The following MDN1 variants were observed in gnomAD, a reference collection of about 807,000 sequenced individuals.
MDN1 encodes midasin AAA ATPase 1, also known as midasin.
In MDN1, 266 loss-of-function variants were observed where a neutral mutation model predicts 669.2. The ratio of observed to expected loss-of-function variants is 0.40; its 90% CI spans 0.36 to 0.44. The LOEUF (loss-of-function observed/expected upper bound fraction) is 0.44, where lower values mean the gene tolerates loss of function less well. Ranked by LOEUF, MDN1 falls within the 20% of genes least tolerant of loss-of-function variation. MDN1 has a pLI of 1.00. For synonymous variants in MDN1, 2,385 were observed against 2,457.1 expected, an observed-to-expected ratio of 0.97 and a Z score of 0.87; for missense variants, 5,940 against 6,754.0, an observed-to-expected ratio of 0.88 and a Z score of 4.22.
intron 52 of MDN1, among the ~76,000 whole-genome samples, chr6:89,706,542 T>C (rs968341689): frequency 4.6e-5 from 7 of 152,198 alleles, no homozygotes; most frequent in Non-Finnish European, 8.8e-5. Flanking sequence ...ATTTTGACTA[T>C]GGCTCATCAT....
At position 89,693,140 on chromosome 6, in the gene MDN1, C is replaced by A. The variant is rs150545943; in HGVS notation, c.9890G>T (p.Arg3297Leu). ...SYSHPHVRLL[R>L]QRMDRLDNLT... Reference sequence around the variant, plus strand: ...ATTATCCAGCCGATCCATCCTTTGGCGAAGCAGCCTAACGGGAAATTAACA... The same window carrying A: ...ATTATCCAGCCGATCCATCCTTTGGAGAAGCAGCCTAACGGGAAATTAACA... The change falls in exon 63 of 102, where the codon CGC (arginine) becomes CTC (leucine). Residue 3297 changes from arginine (R) to leucine (L), a missense_variant. Transcript: ENST00000369393. 1 of 1,582,470 alleles carries A rather than the reference C, an allele frequency of 6.3e-7. No individual in the cohort carries two copies. Among genetic ancestry groups the A allele is most frequent in the East Asian group, 2.2e-5 (1 of 44,556 alleles).
Position 89,732,653 on chromosome 6 carries a change from C to T in MDN1, c.4846G>A (p.Gly1616Arg), listed in dbSNP as rs942630731. Residue 1616 changes from glycine to arginine, a missense_variant, in exon 34 of 102, where the codon GGG (glycine) becomes AGG (arginine). This residue lies in a region of MDN1 where 2,292 missense variants were observed against 2,638.3 expected (regional missense o/e 0.87). Coordinates refer to ENST00000369393, the MANE Select transcript of MDN1 (RefSeq NM_014611.3). ...LSWVNFMNKM[G>R]EEAALKRPEI... Reference sequence around the variant, plus strand: ...GGCCTTTTCAAAGCAGCTTCCTCCCCCATTTTGTTCATGAAGTTAACCCAG... The same window carrying T: ...GGCCTTTTCAAAGCAGCTTCCTCCCTCATTTTGTTCATGAAGTTAACCCAG... 6.2e-7 allele frequency: 1 copy of T among 1,613,894 alleles called. No homozygotes were observed. The highest frequency in any genetic ancestry group is 1.3e-5 in the African/African-American group (1 of 74,876).
intron 92 of MDN1, 35 bp from the exon 93 acceptor site, chr6:89,654,369 C>G (rs1484813356): frequency 6.2e-7 from 1 of 1,611,926 alleles, no homozygotes; most frequent in South Asian, 1.1e-5. Flanking sequence ...CATAAAAATC[C>G]TAGGTCTTTG....
At chr6:89,816,673 C>CTTTT (rs538796145) in intron 1 of MDN1, among the ~76,000 whole-genome samples, 5 of 138,070 alleles carry the variant, frequency 3.6e-5, no homozygotes, top group Admixed American at 7.3e-5. Flanking sequence ...ACACCCCTAT[C>CTTTT]TTTTTTTTTT....
chr6:89,667,640 A>G (rs1365993870), intron 84 of MDN1, among the ~76,000 whole-genome samples: 1 of 152,238 alleles, frequency 6.6e-6, no homozygotes, highest in Non-Finnish European at 1.5e-5. Context: ...CAACAGTAAA[A>G]CCTATTAACA....
Position 89,750,362 on chromosome 6 carries a change from A to C in MDN1, c.3398T>G (p.Phe1133Cys). ...TGGAATCTTAACCCTACCTTCCTTAAAGACAAGCTTCCCTGAGGAGTCAGA... is the reference window on the plus strand; with the variant it reads ...TGGAATCTTAACCCTACCTTCCTTACAGACAAGCTTCCCTGAGGAGTCAGA... ...YTSDSSGKLV[F>C]KEGVLIDAMR... is the part of the protein sequence containing the mutation. Residue 1133 changes from phenylalanine to cysteine, a missense_variant, in exon 24 of 102, where the codon TTT (phenylalanine) becomes TGT (cysteine). Physicochemically the swap from Phe to Cys is radical, Grantham distance 205. Around this residue, in one of 5 missense-constraint regions of MDN1, gnomAD observed 2,292 missense variants for 2,638.3 expected, o/e 0.87. Transcript: ENST00000369393. 6.2e-7 allele frequency: 1 copy of C among 1,607,674 alleles called. No homozygotes were observed. Among genetic ancestry groups the C allele is most frequent in the Non-Finnish European group, 8.5e-7 (1 of 1,174,776 alleles).
intron 43 of MDN1, among the ~76,000 whole-genome samples, chr6:89,717,736 A>C (rs1307260642): frequency 6.6e-6 from 1 of 152,238 alleles, no homozygotes; most frequent in Non-Finnish European, 1.5e-5. Flanking sequence ...GCCACAGATA[A>C]AATGTTTGCT....
chr6:89,697,250 AAG>A (rs1475254953), intron 59 of MDN1, among the ~76,000 whole-genome samples: 1 of 152,246 alleles, frequency 6.6e-6, no homozygotes, highest in Non-Finnish European at 1.5e-5. Flanking sequence ...GTTTGTATAA[AAG>A]AAAAAATTTG....
Position 89,761,733 on chromosome 6 carries a change from T to G in MDN1, c.2372A>C (p.Glu791Ala). ...TCTAAGACCAAATGCTTCCCATTTC[T>G]CTTTTATGAGTAACCCTAAAAAAGA... ...KDSETGLLIK[E>A]KWEAFGLRLN... is the part of the protein sequence containing the mutation. The change falls in exon 17 of 102, where the codon GAG becomes GCG. Residue 791 changes from glutamate (E) to alanine (A), a missense_variant. Around this residue, in one of 5 missense-constraint regions of MDN1, gnomAD observed 1,203 missense variants for 1,268.9 expected, o/e 0.95. Coordinates refer to ENST00000369393, the MANE Select transcript of MDN1 (RefSeq NM_014611.3). 6.2e-7 allele frequency: 1 copy of G among 1,607,894 alleles called. No individual in the cohort carries two copies. Among genetic ancestry groups the G allele is most frequent in the Non-Finnish European group, 8.5e-7 (1 of 1,176,136 alleles).
chr6:89,670,166 A>T (rs71548744), intron 83 of MDN1, among the ~76,000 whole-genome samples: 2,040 of 17,326 alleles, frequency 0.12, 98 homozygotes, highest in Non-Finnish European at 0.13. Flanking sequence ...ATATATATAT[A>T]TATATTTTTT....
At chr6:89,786,148 AC>A (rs1818945791) in intron 8 of MDN1, among the ~76,000 whole-genome samples, 2 of 152,098 alleles carry the variant, frequency 1.3e-5, no homozygotes, top group South Asian at 4.1e-4. Context: ...AGTCCCAGAT[AC>A]CTGGGAGACT....
chr6:89,719,118 T>A lies in MDN1; in HGVS notation c.6057+18A>T, dbSNP rs752937316. The A allele has an allele frequency of 1.2e-6, 2 of 1,608,470 alleles. No individual in the cohort carries two copies. Among genetic ancestry groups the A allele is most frequent in the Non-Finnish European group, 1.7e-6 (2 of 1,174,900 alleles). On this transcript the variant is annotated intron_variant, in intron 41 of 101. Coordinates refer to ENST00000369393, the MANE Select transcript of MDN1 (RefSeq NM_014611.3). ...TTAAAAAATGTCAAAGGATAGAGGA[T>A]TATCCTAGTCTCCTTACCTGAACAT...
intron 8 of MDN1, among the ~76,000 whole-genome samples, chr6:89,786,683 C>T (rs375026155): frequency 1.3e-5 from 2 of 151,938 alleles, no homozygotes; most frequent in African/African-American, 4.8e-5. Context: ...AATCCCAGCA[C>T]ATCAGGAGGC....
rs768202168 is a variant in MDN1 at position 89,691,540 on chromosome 6, GT to G, written c.10588-707del. On this transcript the variant is annotated intron_variant, in intron 63 of 101. Coordinates refer to ENST00000369393, the MANE Select transcript of MDN1 (RefSeq NM_014611.3). ...TTACTGTGGCATTGGGTTGGTTTTT[GT>G]TTTTTTTTGTTTTTTTGGCAAAACA... Among the ~76,000 whole-genome samples the G allele has an allele frequency of 1.4e-3, 208 of 150,198 alleles. 1 individual carries two copies. Among genetic ancestry groups the G allele is most frequent in the African/African-American group, 4.9e-3 (200 of 40,926 alleles).
In MDN1 at chr6:89,685,859, T is replaced by C; in HGVS notation, c.11687A>G (p.His3896Arg). 6.2e-7 allele frequency: 1 copy of C among 1,614,026 alleles called. No individual in the cohort carries two copies. The highest frequency in any genetic ancestry group is 8.5e-7 in the Non-Finnish European group (1 of 1,180,006). ...TTCAACCTGTGGCATCAGCAAGACA[T>C]GACAATGGAAAACCAGTAACATCTG... The part of the protein sequence containing the change: ...RLQMLLVFHC[H>R]VLLMPQVEGK... Residue 3896 changes from histidine (H) to arginine (R), a missense_variant, in exon 70 of 102, where the codon CAT (histidine) becomes CGT (arginine). His to Arg is a conservative substitution (Grantham distance 29). This residue lies in a region of MDN1 where 2,280 missense variants were observed against 2,576.3 expected (regional missense o/e 0.88). Coordinates refer to ENST00000369393, the MANE Select transcript of MDN1 (RefSeq NM_014611.3).
intron 31 of MDN1, among the ~76,000 whole-genome samples, chr6:89,740,603 T>C (rs1395174431): frequency 6.6e-6 from 1 of 152,198 alleles, no homozygotes; most frequent in Non-Finnish European, 1.5e-5. Flanking sequence ...TTATAAACTA[T>C]TAAGGCATTG....
chr6:89,789,996 T>C (rs1192512242), intron 6 of MDN1, 85 bp from the exon 7 acceptor site: 6 of 1,585,858 alleles, frequency 3.8e-6, no homozygotes, highest in Non-Finnish European at 4.3e-6. Flanking sequence ...TAATCTTCTA[T>C]AGGTAGGTGT....
chr6:89,701,836 G>T, intron 54 of MDN1, 68 bp downstream of exon 54: 1 of 1,541,130 alleles, frequency 6.5e-7, no homozygotes, highest in South Asian at 1.3e-5. Flanking sequence ...AAACAGTTTC[G>T]GTTCCAAATC....
At chr6:89,651,324 CAAAAA>C (rs57142164) in intron 95 of MDN1, among the ~76,000 whole-genome samples, 10 of 94,624 alleles carry the variant, frequency 1.1e-4, no homozygotes, top group Admixed American at 2.5e-4. Flanking sequence ...GATTCCGTCT[CAAAAA>C]AAAAAAAAAA....
Sources: gnomAD v4.1 joint callset for allele counts (sites outside exome capture counted in the v4.1 genomes callset) on GRCh38, gnomAD v4.1.1 for gene constraint, gnomAD v4.1.1 regional missense constraint, MANE v1.5 for transcripts, NCBI Gene and HGNC (gene_info 2026-07-23, HGNC 2026-07-21) for gene names.